GJB6: variants seen among roughly 807,000 people sequenced by gnomAD.
GJB6 encodes gap junction beta-6 protein.
GJB6 carries 5 observed loss-of-function variants against 5.4 expected under a neutral mutation model. That is an observed-to-expected ratio of 0.92 (90% CI 0.48 to 1.93). The LOEUF (loss-of-function observed/expected upper bound fraction) is 1.93. Among genes scored for constraint, GJB6 ranks in the 30% most tolerant of loss-of-function variants. The pLI, the probability that GJB6 is intolerant of heterozygous loss-of-function variation, is 0.01. For missense variants in GJB6, 298 were observed against 326.9 expected (o/e 0.91, Z 0.68); for synonymous variants, 136 against 129.6 (o/e 1.05, Z -0.34).
At chr13:20,231,029 G>A (rs907525293) in intron 2 of GJB6, 1 of 152,296 alleles carries the variant, frequency 6.6e-6, no homozygotes, top group African/African-American at 2.4e-5. Context: ...TCTCCTCCTT[G>A]GCAAGCTTCA....
rs376079185 is a variant in GJB6, at chr13:20,222,403, A to G, written c.*292T>C. The G allele has an allele frequency of 2.5e-5, 9 of 361,056 alleles. No individual in the cohort carries two copies. The highest frequency in any genetic ancestry group is 1.5e-4 in the East Asian group (3 of 19,594). The allele number at this position is 361,056 out of a possible 1,614,324, so 22.4% of individuals were successfully genotyped here. A position where few individuals can be genotyped will look rare whatever the true frequency, so the allele number is the denominator to read the frequency against. On this transcript the variant is annotated 3_prime_UTR_variant, in exon 5 of 5. Transcript: ENST00000647029. The stretch of plus-strand genomic sequence containing the variant: ...TGTTCCTTATCAACAACAGTTATAT[A>G]AATTTTCAGAAAGTACCCACTTTGT...
At chr13:20,226,023 CG>C (rs1217293326) in intron 4 of GJB6, among the ~76,000 whole-genome samples, 1 of 152,052 alleles carries the variant, frequency 6.6e-6, no homozygotes, top group Non-Finnish European at 1.5e-5. Context: ...CTGGGCTCCC[CG>C]GGCAGCCCAC....
At chr13:20,231,027 T>C (rs1252869803) in intron 2 of GJB6, 1 of 152,320 alleles carries the variant, frequency 6.6e-6, no homozygotes, top group Admixed American at 6.5e-5. Context: ...CCTCTCCTCC[T>C]TGGCAAGCTT....
At chr13:20,229,315 ATT>A (rs60451416) in intron 4 of GJB6, among the ~76,000 whole-genome samples, 1,655 of 55,066 alleles carry the variant, frequency 0.03, 37 homozygotes, top group African/African-American at 0.079. Flanking sequence ...TACCTGGTTA[ATT>A]TTTTTTTTTT....
intron 4 of GJB6, among the ~76,000 whole-genome samples, chr13:20,224,050 C>G (rs1487230117): frequency 6.6e-6 from 1 of 152,094 alleles, no homozygotes; most frequent in African/African-American, 2.4e-5. Context: ...CAACTAAATT[C>G]AGATCATATA....
At position 20,222,560 on chromosome 13, in the gene GJB6, T is replaced by A; in HGVS notation, c.*135A>T. ...AATGGAGCAAGTATCCTACAAAAAG[T>A]TAACTCAAGTGTCTATTTATTATGA... On this transcript the variant is annotated 3_prime_UTR_variant, in exon 5 of 5. Transcript: ENST00000647029. 1.4e-6 allele frequency: 1 copy of A among 735,556 alleles called. No individual in the cohort carries two copies. The highest frequency in any genetic ancestry group is 2.4e-6 in the Non-Finnish European group (1 of 417,536). The allele number at this position is 735,556 out of a possible 1,614,324, so 45.6% of individuals were successfully genotyped here.
intron 4 of GJB6, among the ~76,000 whole-genome samples, chr13:20,228,696 G>A (rs565064280): frequency 0.11 from 4,428 of 41,278 alleles, 91 homozygotes; most frequent in East Asian, 0.51. Flanking sequence ...GTGTTAGCCA[G>A]GATGGTCTCG....
At position 20,225,865 on chromosome 13, in the gene GJB6, G is replaced by A. The variant is rs188790927; in HGVS notation, c.-15-2370C>T. ...TATCGTTGGGAGGTTGTATTTTCAT[G>A]ATTCCTTCAATAACTGCAGCCTAGC... On this transcript the variant is annotated intron_variant, in intron 4 of 4. Transcript: ENST00000647029. 2.9e-3 allele frequency among the ~76,000 whole-genome samples: 434 copies of A among 152,272 alleles called. 3 individuals are homozygous for A. The highest frequency in any genetic ancestry group is 9.8e-3 in the African/African-American group (409 of 41,560).
chr13:20,230,764 A>C lies in GJB6; in HGVS notation c.-252T>G, dbSNP rs143480372. Reference sequence around the variant, plus strand: ...TACAAGTTAGAATTTTTCTTTCGCCATACAGAAATTGTTTAGCCAGATCTT... The same window carrying C: ...TACAAGTTAGAATTTTTCTTTCGCCCTACAGAAATTGTTTAGCCAGATCTT... On this transcript the variant is annotated 5_prime_UTR_variant, in exon 3 of 5. The change abolishes an upstream ATG in the 5' untranslated region. Coordinates refer to ENST00000647029, the MANE Select transcript of GJB6 (RefSeq NM_001110219.3). 1 of 152,250 alleles carries C rather than the reference A, an allele frequency of 6.6e-6. No homozygotes were observed. Among genetic ancestry groups the C allele is most frequent in the Non-Finnish European group, 1.5e-5 (1 of 68,040 alleles). The allele number at this position is 152,250 out of a possible 1,614,324, so 9.4% of individuals were successfully genotyped here. A position where few individuals can be genotyped will look rare whatever the true frequency, so the allele number is the denominator to read the frequency against.
At chr13:20,228,114 G>A (rs1452315091) in intron 4 of GJB6, among the ~76,000 whole-genome samples, 1 of 152,234 alleles carries the variant, frequency 6.6e-6, no homozygotes, top group Admixed American at 6.5e-5. Context: ...AATTTGTGAA[G>A]TCGTCACTAA....
chr13:20,227,668 G>A (rs1011310439), intron 4 of GJB6, among the ~76,000 whole-genome samples: 27 of 152,274 alleles, frequency 1.8e-4, no homozygotes, highest in East Asian at 7.7e-4. Flanking sequence ...GGGATCTGCC[G>A]TGCGTATCAT....
In GJB6 at chr13:20,232,268, C is replaced by G. The variant is rs1039653316; in HGVS notation, c.-494G>C. The G allele has an allele frequency of 6.6e-6, 1 of 151,378 alleles. No homozygotes were observed. The highest frequency in any genetic ancestry group is 1.5e-5 in the Non-Finnish European group (1 of 67,898). The allele number at this position is 151,378 out of a possible 1,614,324, so 9.4% of individuals were successfully genotyped here. A position where few individuals can be genotyped will look rare whatever the true frequency, so the allele number is the denominator to read the frequency against. On this transcript the variant is annotated 5_prime_UTR_variant, in exon 1 of 5. Coordinates refer to ENST00000647029, the MANE Select transcript of GJB6 (RefSeq NM_001110219.3). The stretch of plus-strand genomic sequence containing the variant: ...CTTCGCTCCGGCTGGGCAGGCAGGT[C>G]GGGCTCGGGCGCCGCCGGCTGTCGG...
Position 20,223,036 on chromosome 13 carries a change from C to T in GJB6, c.445G>A (p.Ala149Thr). ...SIFFRIIFEA[A>T]FMYVFYFLYN... ...AGGAAGTAAAACACATACATAAAGG[C>T]TGCTTCAAAGATGATTCGGAAAAAG... The change falls in exon 5 of 5, where the codon GCC (alanine) becomes ACC (threonine). Residue 149 changes from alanine (A) to threonine (T), a missense_variant. By Grantham distance (58) the Ala-to-Thr change is moderately conservative (BLOSUM62 0). Coordinates refer to ENST00000647029, the MANE Select transcript of GJB6 (RefSeq NM_001110219.3). 1 of 1,614,190 alleles carries T rather than the reference C, an allele frequency of 6.2e-7. No homozygotes were observed. Among genetic ancestry groups the T allele is most frequent in the Non-Finnish European group, 8.5e-7 (1 of 1,180,002 alleles).
chr13:20,223,531 G>T (rs753479658), intron 4 of GJB6, 36 bp from the exon 5 acceptor site: 29 of 1,517,232 alleles, frequency 1.9e-5, no homozygotes, highest in Non-Finnish European at 2.5e-5. Flanking sequence ...TTTATTAGTG[G>T]AAGAGGCCTT....
At chr13:20,225,442 GGTT>G (rs1869513098) in intron 4 of GJB6, 1 of 152,102 alleles carries the variant, frequency 6.6e-6, no homozygotes, top group African/African-American at 2.4e-5. Context: ...ATGGACACTG[GGTT>G]GCTTCCAGCT....
chr13:20,223,999 A>G (rs1359187490), intron 4 of GJB6, among the ~76,000 whole-genome samples: 2 of 152,142 alleles, frequency 1.3e-5, no homozygotes, highest in African/African-American at 4.8e-5. Flanking sequence ...GTTTTTGGTC[A>G]GAAACAACTT....
At chr13:20,223,549 T>C in intron 4 of GJB6, 54 bp from the exon 5 acceptor site, 1 of 1,381,966 alleles carries the variant, frequency 7.2e-7, no homozygotes, top group Non-Finnish European at 1.0e-6. Context: ...CTTGGGAAAG[T>C]GACACGGTGA....
At chr13:20,227,133 G>GT (rs369948551) in intron 4 of GJB6, among the ~76,000 whole-genome samples, 43 of 150,950 alleles carry the variant, frequency 2.8e-4, no homozygotes, top group East Asian at 1.4e-3. Flanking sequence ...GCTTCTCCCT[G>GT]TTTTTTTTTT....
At position 20,223,397 on chromosome 13, in the gene GJB6, G is replaced by C. The variant is rs1300641563; in HGVS notation, c.84C>G (p.Ile28Met). 1 of 1,614,042 alleles carries C rather than the reference G, an allele frequency of 6.2e-7. No homozygotes were observed. Among genetic ancestry groups the C allele is most frequent in the Non-Finnish European group, 8.5e-7 (1 of 1,180,000 alleles). ...TSIGKVWITVIFIFRVMILVV... is the reference protein window; with the variant it reads ...TSIGKVWITVMFIFRVMILVV... ...CGAGGATCATGACTCGGAAAATAAAGATGACTGTGATCCACACCTTCCCGA... is the reference window on the plus strand; with the variant it reads ...CGAGGATCATGACTCGGAAAATAAACATGACTGTGATCCACACCTTCCCGA... The change falls in exon 5 of 5, where the codon ATC becomes ATG. Residue 28 changes from isoleucine (I) to methionine (M), a missense_variant. Physicochemically the swap from Ile to Met is conservative, Grantham distance 10 (BLOSUM62 1). Transcript: ENST00000647029.
Sources: gnomAD v4.1 joint callset for allele counts (sites outside exome capture counted in the v4.1 genomes callset) on GRCh38, gnomAD v4.1.1 for gene constraint, MANE v1.5 for transcripts, NCBI Gene and HGNC (gene_info 2026-07-23, HGNC 2026-07-21) for gene names.